Variants in NRG1 observed in about 807,000 individuals in gnomAD.
The protein encoded by NRG1 is pro-neuregulin-1, membrane-bound isoform.
Under a neutral mutation model 63.8 loss-of-function variants are expected in NRG1, and 18 were observed. That is an observed-to-expected ratio of 0.28 (90% CI 0.19 to 0.42). The LOEUF (loss-of-function observed/expected upper bound fraction) is 0.42, where lower values mean the gene tolerates loss of function less well. NRG1 is among the 10% of genes least tolerant of loss of function. The probability of loss-of-function intolerance (pLI) is 1.00; values close to 1 mark genes in which losing one functional copy is unlikely to be tolerated. For synonymous variants in NRG1, 302 were observed against 301.3 expected, an observed-to-expected ratio of 1.00 and a Z score of -0.02; for missense variants, 762 against 814.7, an observed-to-expected ratio of 0.94 and a Z score of 0.79.
intron 5 of NRG1, among the ~76,000 whole-genome samples, chr8:32,635,147 C>T (rs991118911): frequency 1.3e-5 from 2 of 152,178 alleles, no homozygotes; most frequent in African/African-American, 4.8e-5. Flanking sequence ...GCAGATTGCA[C>T]TTGTTACTTT....
At chr8:32,441,984 G>A (rs1384182379) in intron 1 of NRG1, among the ~76,000 whole-genome samples, 4 of 152,140 alleles carry the variant, frequency 2.6e-5, no homozygotes, top group African/African-American at 9.7e-5. Context: ...CTTCATTTAT[G>A]AAGGTCAGTG....
At chr8:32,086,474 G>C (rs1167622153) in intron 1 of NRG1, among the ~76,000 whole-genome samples, 1 of 142,972 alleles carries the variant, frequency 7.0e-6, no homozygotes, top group African/African-American at 2.4e-5. Context: ...GTGAGCATCA[G>C]TTATGAATAT....
At chr8:32,313,251 G>A (rs4317533) in intron 1 of NRG1, among the ~76,000 whole-genome samples, 74,013 of 151,976 alleles carry the variant, frequency 0.49, 18,888 homozygotes, top group African/African-American at 0.64. Context: ...GTTGGGAATG[G>A]AATCTTAGGA....
At chr8:32,145,140 C>A (rs1312688506) in intron 1 of NRG1, among the ~76,000 whole-genome samples, 1 of 152,178 alleles carries the variant, frequency 6.6e-6, no homozygotes, top group Non-Finnish European at 1.5e-5. Flanking sequence ...CCACATTCAA[C>A]CACAGCCTTT....
At chr8:32,431,675 C>T (rs1181788980) in intron 1 of NRG1, among the ~76,000 whole-genome samples, 2 of 152,056 alleles carry the variant, frequency 1.3e-5, no homozygotes, top group Non-Finnish European at 2.9e-5. Context: ...GTTTTCACAA[C>T]ACAAAATATT....
chr8:32,575,363 A>G (rs541133672), intron 1 of NRG1, among the ~76,000 whole-genome samples: 2 of 152,068 alleles, frequency 1.3e-5, no homozygotes, highest in African/African-American at 4.8e-5. Context: ...ATAGTTGACT[A>G]ATTACTAGTT....
At chr8:32,703,409 T>C (rs1159004575) in intron 5 of NRG1, among the ~76,000 whole-genome samples, 2 of 136,966 alleles carry the variant, frequency 1.5e-5, no homozygotes, top group Middle Eastern at 3.5e-3. Context: ...TAGAGATATC[T>C]CACTAATGAT....
At chr8:31,758,360 A>G (rs1586190588) in intron 1 of NRG1, among the ~76,000 whole-genome samples, 2 of 152,248 alleles carry the variant, frequency 1.3e-5, no homozygotes, top group East Asian at 3.9e-4. Context: ...CAATCCCATT[A>G]CTGGGTATAT....
chr8:32,217,213 C>CAAAA (rs538507645), intron 1 of NRG1, among the ~76,000 whole-genome samples: 48 of 101,174 alleles, frequency 4.7e-4, no homozygotes, highest in East Asian at 3.1e-3. Context: ...GACCCTGTCT[C>CAAAA]AAAAAAAAAA....
rs932434684 is a variant in NRG1 at position 32,338,179 on chromosome 8, G to A, written c.38-257649G>A. Among the ~76,000 whole-genome samples the A allele has an allele frequency of 2.0e-5, 3 of 152,132 alleles. No individual in the cohort carries two copies. The East Asian group carries it at 5.8e-4, about 29-fold the overall frequency. On this transcript the variant is annotated intron_variant, in intron 1 of 10. Transcript: ENST00000519301. ...CATGAAGTGAACTCTATCTTTTATGGAGGAGAGGATATGGAGGAGCATAGG... is the reference window on the plus strand; with the variant it reads ...CATGAAGTGAACTCTATCTTTTATGAAGGAGAGGATATGGAGGAGCATAGG...
chr8:32,731,964 A>G (rs1370679266), intron 6 of NRG1, among the ~76,000 whole-genome samples: 3 of 152,224 alleles, frequency 2.0e-5, no homozygotes, highest in African/African-American at 7.2e-5. Flanking sequence ...CTGGTCACCT[A>G]ATCTGCTGTT....
At chr8:31,960,128 G>C (rs1401397650) in intron 1 of NRG1, among the ~76,000 whole-genome samples, 2 of 152,112 alleles carry the variant, frequency 1.3e-5, no homozygotes, top group Admixed American at 1.3e-4. Context: ...AGCATTCCTG[G>C]GAATGAAGAA....
chr8:32,570,863 A>C (rs1276695845), intron 1 of NRG1, among the ~76,000 whole-genome samples: 1 of 152,208 alleles, frequency 6.6e-6, no homozygotes, highest in Non-Finnish European at 1.5e-5. Flanking sequence ...GGTATTGGTA[A>C]CAGACAGGAG....
At chr8:32,387,051 T>A (rs1811109939) in intron 1 of NRG1, among the ~76,000 whole-genome samples, 1 of 152,200 alleles carries the variant, frequency 6.6e-6, no homozygotes, top group Admixed American at 6.5e-5. Context: ...CAGGAGAGAT[T>A]CACTAAAAGT....
chr8:32,412,451 T>TATATATATATAC (rs1340279592), intron 1 of NRG1, among the ~76,000 whole-genome samples: 7 of 59,950 alleles, frequency 1.2e-4, no homozygotes, highest in African/African-American at 3.0e-4. Flanking sequence ...TATATATATA[T>TATATATATATAC]ACATATATAT....
intron 2 of NRG1, among the ~76,000 whole-genome samples, chr8:32,604,794 C>T (rs768220047): frequency 6.6e-6 from 1 of 151,892 alleles, no homozygotes; most frequent in Non-Finnish European, 1.5e-5. Flanking sequence ...GTTCTGAGTT[C>T]TTATATCTTG....
At chr8:31,944,787 G>A (rs1311434842) in intron 1 of NRG1, among the ~76,000 whole-genome samples, 4 of 152,140 alleles carry the variant, frequency 2.6e-5, no homozygotes, top group Admixed American at 2.0e-4. Context: ...GATCAACAAA[G>A]CAATTTACGC....
At chr8:32,497,346 C>G (rs893826070) in intron 1 of NRG1, among the ~76,000 whole-genome samples, 1 of 150,574 alleles carries the variant, frequency 6.6e-6, no homozygotes, top group Non-Finnish European at 1.5e-5. Flanking sequence ...ACTTGGGAGG[C>G]TGAGGCAGGA....
chr8:32,443,456 G>T (rs1819816605), intron 1 of NRG1, among the ~76,000 whole-genome samples: 1 of 152,210 alleles, frequency 6.6e-6, no homozygotes, highest in African/African-American at 2.4e-5. Context: ...CATGCAAAAA[G>T]ATGCAGCAAG....
Sources: allele counts gnomAD v4.1 joint callset (sites outside exome capture counted in the v4.1 genomes callset), GRCh38; gene constraint gnomAD v4.1.1; transcripts MANE v1.5; gene names NCBI Gene and HGNC (gene_info 2026-07-23, HGNC 2026-07-21).